Variants in TBC1D1 observed in about 807,000 individuals in gnomAD.
TBC1D1 encodes the protein TBC1 domain family member 1, also known as TBC1 (tre-2/USP6, BUB2, cdc16) domain family, member 1.
TBC1D1 carries 89 observed loss-of-function variants against 125.6 expected under a neutral mutation model. The ratio of observed to expected loss-of-function variants is 0.71; its 90% CI spans 0.60 to 0.85. The LOEUF is 0.85. TBC1D1 is among the 40% of genes least tolerant of loss of function. TBC1D1 has a pLI of 0.00. For missense variants in TBC1D1, 1,377 were observed against 1,469.2 expected (o/e 0.94, Z 1.03); for synonymous variants, 565 against 564.1 (o/e 1.00, Z -0.02).
At chr4:38,052,745 CACACACACACACACACACAG>C (rs1487227159) in intron 11 of TBC1D1, among the ~76,000 whole-genome samples, 32 of 149,266 alleles carry the variant, frequency 2.1e-4, no homozygotes, top group African/African-American at 6.1e-4. Flanking sequence ...CACACACACA[CACACACACACACACACACAG>C]GATAACATCT....
At chr4:38,098,841 G>A (rs2152551858) in intron 14 of TBC1D1, among the ~76,000 whole-genome samples, 1 of 152,244 alleles carries the variant, frequency 6.6e-6, no homozygotes, top group South Asian at 2.1e-4. Flanking sequence ...TCCTCATAGT[G>A]ACATAAAAGA....
intron 14 of TBC1D1, among the ~76,000 whole-genome samples, chr4:38,097,238 C>T (rs921467521): frequency 4.6e-5 from 7 of 152,282 alleles, no homozygotes; most frequent in African/African-American, 1.7e-4. Context: ...TCTCAGCTCA[C>T]TGCAACCCCT....
intron 5 of TBC1D1, 133 bp from the exon 6 acceptor site, chr4:38,021,453 T>G (rs1578303923): frequency 3.0e-6 from 2 of 660,048 alleles, no homozygotes; most frequent in East Asian, 6.7e-5. Context: ...AATTATTATC[T>G]GTCAACCTGT....
chr4:37,993,376 T>C (rs1737061424), intron 2 of TBC1D1, among the ~76,000 whole-genome samples: 1 of 152,180 alleles, frequency 6.6e-6, no homozygotes, highest in Admixed American at 6.5e-5. Context: ...AGGCTGATCT[T>C]TATTTTTTTC....
At position 38,096,039 on chromosome 4, in the gene TBC1D1, A is replaced by G. The variant is rs1759270599; in HGVS notation, c.2347A>G (p.Arg783Gly). 1 of 1,613,906 alleles carries G rather than the reference A, an allele frequency of 6.2e-7. No homozygotes were observed. Among genetic ancestry groups the G allele is most frequent in the African/African-American group, 1.3e-5 (1 of 74,916 alleles). Residue 783 changes from arginine (R) to glycine (G), a missense_variant, in exon 14 of 20, where the codon AGA (arginine) becomes GGA (glycine). Around this residue, in one of 3 missense-constraint regions of TBC1D1, gnomAD observed 543 missense variants for 613.5 expected, o/e 0.89. Coordinates refer to ENST00000261439, the MANE Select transcript of TBC1D1 (RefSeq NM_015173.4). Reference sequence around the variant, plus strand: ...GGAAAAGATGCTTAGCACTCCAGGAAGATCAAAAATTAAGTTTGACATGGA... The same window carrying G: ...GGAAAAGATGCTTAGCACTCCAGGAGGATCAAAAATTAAGTTTGACATGGA...
At chr4:37,923,404 C>T (rs566544390) in intron 2 of TBC1D1, among the ~76,000 whole-genome samples, 1 of 152,286 alleles carries the variant, frequency 6.6e-6, no homozygotes, top group Non-Finnish European at 1.5e-5. Flanking sequence ...AATAGTGCTG[C>T]AATAAACATA....
intron 11 of TBC1D1, chr4:38,052,014 A>G: frequency 1.9e-6 from 3 of 1,551,038 alleles, no homozygotes; most frequent in Non-Finnish European, 2.6e-6. Flanking sequence ...TAAGTACCTA[A>G]AACATAATTC....
rs1177447140 is a variant in TBC1D1, at chr4:38,014,626, G to A, written c.535G>A (p.Gly179Ser). The A allele has an allele frequency of 6.2e-7, 1 of 1,613,414 alleles. No individual in the cohort carries two copies. Among genetic ancestry groups the A allele is most frequent in the Non-Finnish European group, 8.5e-7 (1 of 1,180,046 alleles). ...CAAGAAGTTCGAGGTGCTCTTCTGC[G>A]GCCGCGTGACGGTGGCGCACAAGAA... Residue 179 changes from glycine to serine, a missense_variant, in exon 3 of 20, where the codon GGC becomes AGC. Around this residue, in one of 3 missense-constraint regions of TBC1D1, gnomAD observed 822 missense variants for 824.6 expected, o/e 1.00. Transcript: ENST00000261439. The surrounding 1 kb of genome is among the most constrained non-coding windows in gnomAD (Gnocchi z 5.1).
At chr4:38,104,947 G>A (rs1335656716) in intron 15 of TBC1D1, among the ~76,000 whole-genome samples, 1 of 151,812 alleles carries the variant, frequency 6.6e-6, no homozygotes, top group African/African-American at 2.4e-5. Flanking sequence ...AGTAGAGACG[G>A]GGTTTCACCG....
At chr4:38,007,145 T>C in intron 2 of TBC1D1, 1 of 209,752 alleles carries the variant, frequency 4.8e-6, no homozygotes, top group Non-Finnish European at 1.1e-5. Context: ...GGACTTGACT[T>C]TCCTCACCCA....
At chr4:38,125,236 C>T (rs1764455929) in intron 18 of TBC1D1, 105 bp downstream of exon 20, 5 of 1,108,028 alleles carry the variant, frequency 4.5e-6, no homozygotes, top group East Asian at 4.9e-5. Flanking sequence ...GTGTTCTGAA[C>T]GGCATTCTGC....
At chr4:38,010,894 C>T (rs1251038929) in intron 2 of TBC1D1, among the ~76,000 whole-genome samples, 1 of 152,160 alleles carries the variant, frequency 6.6e-6, no homozygotes, top group East Asian at 1.9e-4. Context: ...ATTTCTGAAT[C>T]CCTGGCTCTG....
chr4:37,993,882 A>G (rs1431622705), intron 2 of TBC1D1, among the ~76,000 whole-genome samples: 1 of 152,220 alleles, frequency 6.6e-6, no homozygotes, highest in Non-Finnish European at 1.5e-5. Context: ...GCGCCCGGCC[A>G]CAACAAAGCT....
intron 2 of TBC1D1, among the ~76,000 whole-genome samples, chr4:37,922,789 C>T (rs1162720396): frequency 6.6e-6 from 1 of 152,124 alleles, no homozygotes; most frequent in East Asian, 1.9e-4. Context: ...TATTCTGCTG[C>T]CCTGGCCTCA....
rs778389239 is a variant in TBC1D1 at position 38,137,311 on chromosome 4, G to A, written c.3483G>A (p.Thr1161=). The stretch of plus-strand genomic sequence containing the variant: ...CCAGCGACCGGGAGCCTGAGTGCAC[G>A]CAGCCCGAGCCCACGGGCGACTGAC... The change falls in exon 20 of 20, where the codon ACG becomes ACA. Residue 1161 remains threonine, a synonymous_variant. Transcript: ENST00000261439. 3.4e-5 allele frequency: 54 copies of A among 1,610,910 alleles called. No homozygotes were observed. Among genetic ancestry groups the A allele is most frequent in the Non-Finnish European group, 4.3e-5 (51 of 1,179,620 alleles).
chr4:38,105,821 T>C (rs1761201864), intron 15 of TBC1D1, among the ~76,000 whole-genome samples: 1 of 152,228 alleles, frequency 6.6e-6, no homozygotes, highest in South Asian at 2.1e-4. Flanking sequence ...TATCACATTT[T>C]CTTTATCCGG....
At chr4:38,107,943 G>A (rs139955791) in intron 15 of TBC1D1, among the ~76,000 whole-genome samples, 1 of 152,104 alleles carries the variant, frequency 6.6e-6, no homozygotes, top group South Asian at 2.1e-4. Flanking sequence ...TGCTTTGGTG[G>A]AATCATGTTC....
intron 2 of TBC1D1, among the ~76,000 whole-genome samples, chr4:38,012,833 A>G (rs557578789): frequency 1.3e-5 from 2 of 152,218 alleles, no homozygotes; most frequent in Admixed American, 6.5e-5. Context: ...TTGTGCTGTC[A>G]CCCAGGCTGG....
chr4:37,968,491 C>T (rs1029762298), intron 2 of TBC1D1, among the ~76,000 whole-genome samples: 1 of 152,198 alleles, frequency 6.6e-6, no homozygotes, highest in African/African-American at 2.4e-5. Context: ...AAAATCAAAA[C>T]ATAAAATTAG....
Sources: gnomAD v4.1 joint callset for allele counts (sites outside exome capture counted in the v4.1 genomes callset) on GRCh38, gnomAD v4.1.1 for gene constraint, gnomAD v4.1.1 regional missense constraint, Gnocchi (gnomAD v3.1) non-coding constraint, MANE v1.5 for transcripts, NCBI Gene and HGNC (gene_info 2026-07-23, HGNC 2026-07-21) for gene names.